Variants in MSRA observed in about 807,000 individuals in gnomAD.
The protein encoded by MSRA is mitochondrial peptide methionine sulfoxide reductase.
In MSRA, 54 loss-of-function variants were observed where a neutral mutation model predicts 31.3. The ratio of observed to expected loss-of-function variants is 1.73; its 90% CI spans 1.39 to 2.17. The LOEUF (loss-of-function observed/expected upper bound fraction) is 2.17. Among genes scored for constraint, MSRA ranks in the 30% most tolerant of loss-of-function variants. The pLI, the probability that MSRA is intolerant of heterozygous loss-of-function variation, is 0.00. For synonymous variants in MSRA, 169 were observed against 116.5 expected, an observed-to-expected ratio of 1.45 and a Z score of -2.90; for missense variants, 507 against 300.9, an observed-to-expected ratio of 1.69 and a Z score of -5.07.
intron 1 of MSRA, among the ~76,000 whole-genome samples, chr8:10,168,817 G>A (rs1378549042): frequency 6.6e-6 from 1 of 152,206 alleles, no homozygotes; most frequent in African/African-American, 2.4e-5. Flanking sequence ...CTTCACTAAA[G>A]TAAATCATAA....
chr8:10,421,026 A>G (rs1322578992), intron 5 of MSRA, among the ~76,000 whole-genome samples: 14 of 152,108 alleles, frequency 9.2e-5, no homozygotes, highest in Admixed American at 9.2e-4. Context: ...AAAACCAAAG[A>G]GATGGCCTGT....
intron 5 of MSRA, among the ~76,000 whole-genome samples, chr8:10,361,867 T>C (rs1267200932): frequency 2.0e-5 from 3 of 152,254 alleles, no homozygotes; most frequent in Non-Finnish European, 4.4e-5. Context: ...TGTCATCCTT[T>C]AAAGTTTTGT....
chr8:10,153,663 C>T (rs916771612), intron 1 of MSRA, among the ~76,000 whole-genome samples: 1 of 152,134 alleles, frequency 6.6e-6, no homozygotes, highest in Non-Finnish European at 1.5e-5. Flanking sequence ...GTGAGGGTGT[C>T]GCCCACCGTC....
intron 2 of MSRA, among the ~76,000 whole-genome samples, chr8:10,215,196 A>G (rs1037508987): frequency 1.3e-5 from 2 of 152,210 alleles, no homozygotes; most frequent in African/African-American, 2.4e-5. Flanking sequence ...GTAAGTAAGA[A>G]CCAGAAAGTG....
At chr8:10,276,647 G>A (rs997479500) in intron 3 of MSRA, among the ~76,000 whole-genome samples, 2 of 152,184 alleles carry the variant, frequency 1.3e-5, no homozygotes, top group East Asian at 1.9e-4. Flanking sequence ...AGCAGCATGC[G>A]TGTCTGCAAG....
At chr8:10,217,628 C>G (rs1420889531) in intron 2 of MSRA, among the ~76,000 whole-genome samples, 1 of 152,138 alleles carries the variant, frequency 6.6e-6, no homozygotes, top group Non-Finnish European at 1.5e-5. Flanking sequence ...CTAAATGTGC[C>G]TTGTCTACAT....
At chr8:10,424,934 C>T (rs1387815179) in intron 5 of MSRA, among the ~76,000 whole-genome samples, 1 of 152,210 alleles carries the variant, frequency 6.6e-6, no homozygotes, top group Non-Finnish European at 1.5e-5. Context: ...AGGGGGGCTG[C>T]GAAGCCCACT....
At chr8:10,263,583 T>C (rs985470890) in intron 3 of MSRA, among the ~76,000 whole-genome samples, 1 of 152,216 alleles carries the variant, frequency 6.6e-6, no homozygotes, top group African/African-American at 2.4e-5. Context: ...GAAATCCTTC[T>C]TCAGTCTTCT....
Position 10,054,401 on chromosome 8 carries a change from C to T in MSRA, c.-116C>T, listed in dbSNP as rs1802163631. 2.7e-6 allele frequency: 2 copies of T among 733,882 alleles called. No individual in the cohort carries two copies. Among genetic ancestry groups the T allele is most frequent in the Non-Finnish European group, 3.8e-6 (2 of 532,432 alleles). 45.5% of individuals were successfully genotyped at this position (733,882 alleles called of 1,614,324 possible). A position where few individuals can be genotyped will look rare whatever the true frequency, so the allele number is the denominator to read the frequency against. Reference sequence around the variant, plus strand: ...CCAGCAGCGCCCCGCGCCCGCCCGCCCGCGCCCCTGCCGCCCCCCGGTTCC... The same window carrying T: ...CCAGCAGCGCCCCGCGCCCGCCCGCTCGCGCCCCTGCCGCCCCCCGGTTCC... On this transcript the variant is annotated 5_prime_UTR_variant, in exon 1 of 6. Coordinates refer to ENST00000317173, the MANE Select transcript of MSRA (RefSeq NM_012331.5).
At chr8:10,110,820 C>A (rs1230718849) in intron 1 of MSRA, among the ~76,000 whole-genome samples, 1 of 152,156 alleles carries the variant, frequency 6.6e-6, no homozygotes, top group Non-Finnish European at 1.5e-5. Context: ...TCATACAGCA[C>A]AAAATCTAAT....
At chr8:10,097,142 G>A (rs1448854374) in intron 1 of MSRA, among the ~76,000 whole-genome samples, 1 of 152,070 alleles carries the variant, frequency 6.6e-6, no homozygotes, top group Non-Finnish European at 1.5e-5. Flanking sequence ...TGACACATCA[G>A]CAATCCTGAA....
intron 2 of MSRA, among the ~76,000 whole-genome samples, chr8:10,240,491 T>C (rs1452121952): frequency 6.6e-6 from 1 of 152,168 alleles, no homozygotes. Context: ...TCTTTCATGG[T>C]AGATGCCCTC....
intron 5 of MSRA, among the ~76,000 whole-genome samples, chr8:10,383,551 T>G (rs532034462): frequency 2.0e-5 from 3 of 152,304 alleles, no homozygotes; most frequent in East Asian, 1.9e-4. Flanking sequence ...AGTTATTTTT[T>G]TTTTCCAGGT....
At chr8:10,172,473 C>T (rs555704281) in intron 1 of MSRA, among the ~76,000 whole-genome samples, 16 of 152,018 alleles carry the variant, frequency 1.1e-4, no homozygotes, top group Non-Finnish European at 1.8e-4. Flanking sequence ...GCAAAGGGGA[C>T]GCAGGTTTCT....
At chr8:10,203,645 G>A (rs75363247) in intron 1 of MSRA, among the ~76,000 whole-genome samples, 2 of 152,202 alleles carry the variant, frequency 1.3e-5, no homozygotes, top group Non-Finnish European at 2.9e-5. Context: ...GTACATAATA[G>A]TTGATAATCA....
At chr8:10,329,670 C>G (rs1392201119) in intron 5 of MSRA, among the ~76,000 whole-genome samples, 2 of 152,080 alleles carry the variant, frequency 1.3e-5, no homozygotes, top group South Asian at 2.1e-4. Context: ...ATGTGTCCAC[C>G]CCAAAATGGG....
At chr8:10,155,405 G>A (rs1405726058) in intron 1 of MSRA, among the ~76,000 whole-genome samples, 1 of 152,138 alleles carries the variant, frequency 6.6e-6, no homozygotes, top group African/African-American at 2.4e-5. Flanking sequence ...TCTCACTGTT[G>A]TGGTTGTATC....
intron 1 of MSRA, among the ~76,000 whole-genome samples, chr8:10,099,377 G>T (rs575378306): frequency 8.9e-4 from 136 of 152,260 alleles, no homozygotes; most frequent in Non-Finnish European, 1.6e-3. Flanking sequence ...TCTGTGCCAG[G>T]CAAAAGATAT....
intron 2 of MSRA, among the ~76,000 whole-genome samples, chr8:10,236,397 A>G (rs867988504): frequency 6.6e-6 from 1 of 152,118 alleles, no homozygotes; most frequent in African/African-American, 2.4e-5. Flanking sequence ...AGAATTCTCT[A>G]CTCTTTCTGG....
Sources: gnomAD v4.1 joint callset for allele counts (sites outside exome capture counted in the v4.1 genomes callset) on GRCh38, gnomAD v4.1.1 for gene constraint, MANE v1.5 for transcripts, NCBI Gene and HGNC (gene_info 2026-07-23, HGNC 2026-07-21) for gene names.